Variants in SCARB1 observed in about 807,000 individuals in gnomAD.
The protein encoded by SCARB1 is scavenger receptor class B member 1.
In SCARB1, 30 loss-of-function variants were observed where a neutral mutation model predicts 57.2. The ratio of observed to expected loss-of-function variants is 0.52; its 90% confidence interval spans 0.39 to 0.71. The LOEUF (loss-of-function observed/expected upper bound fraction) is 0.71. SCARB1 is among the 30% of genes least tolerant of loss of function. SCARB1 has a pLI of 0.00. For missense variants in SCARB1, 543 were observed against 671.2 expected, an observed-to-expected ratio of 0.81 and a Z score of 2.11; for synonymous variants, 249 against 268.3, an observed-to-expected ratio of 0.93 and a Z score of 0.70.
chr12:124,782,596 G>T, intron 12 of SCARB1, 87 bp downstream of exon 12: 1 of 1,334,482 alleles, frequency 7.5e-7, no homozygotes, highest in South Asian at 1.3e-5. Flanking sequence ...CTGAAGGAAT[G>T]AGCAGGACCC....
chr12:124,789,441 T>C lies in SCARB1; in HGVS notation c.1203-1984A>G, dbSNP rs542073624. On this transcript the variant is annotated intron_variant, in intron 9 of 12. Transcript: ENST00000261693. The surrounding 1 kb of genome is among the most constrained non-coding windows in gnomAD (Gnocchi z 4.4). ...GACCAATGCGACACCTGGGAAACTG[T>C]GACCTGCCACGACGAAGGGGACCGT... 6.6e-6 allele frequency among the ~76,000 whole-genome samples: 1 copy of C among 152,206 alleles called. No homozygotes were observed. The highest frequency in any genetic ancestry group is 2.1e-4 in the South Asian group (1 of 4,822).
chr12:124,805,889 TC>T (rs1950306253), intron 7 of SCARB1, among the ~76,000 whole-genome samples: 1 of 151,930 alleles, frequency 6.6e-6, no homozygotes, highest in Admixed American at 6.6e-5. Flanking sequence ...AAAAGATCCC[TC>T]CGCTGCTGTC....
intron 6 of SCARB1, among the ~76,000 whole-genome samples, chr12:124,809,896 T>C (rs1950460524): frequency 6.6e-6 from 1 of 152,128 alleles, no homozygotes; most frequent in African/African-American, 2.4e-5. Context: ...CTCCATTTTA[T>C]GGCCCCCTGT....
intron 1 of SCARB1, chr12:124,839,307 G>C: frequency 2.2e-6 from 1 of 453,616 alleles, no homozygotes; most frequent in South Asian, 1.6e-5. Context: ...GGAATCGTAC[G>C]GTATTTGTCC....
At position 124,808,103 on chromosome 12, in the gene SCARB1, G is replaced by A. The variant is rs182346713; in HGVS notation, c.843-176C>T. Among the ~76,000 whole-genome samples the A allele has an allele frequency of 1.6e-3, 246 of 152,182 alleles. 1 individual carries two copies. Among genetic ancestry groups the A allele is most frequent in the Middle Eastern group, 0.01 (3 of 294 alleles). On this transcript the variant is annotated intron_variant, in intron 6 of 12. Coordinates refer to ENST00000261693, the MANE Select transcript of SCARB1 (RefSeq NM_005505.5). ...CAGCGACCTCCTAACAGGCCTCTCC[G>A]CTCCGACTCTGCCTCCCCACCCACA...
chr12:124,787,537 T>A, intron 9 of SCARB1, 80 bp from the exon 10 acceptor site: 1 of 1,261,376 alleles, frequency 7.9e-7, no homozygotes, highest in Non-Finnish European at 1.1e-6. Flanking sequence ...ATACAACATC[T>A]AAACAGGTTT....
chr12:124,852,528 A>G (rs1952456727), intron 1 of SCARB1, among the ~76,000 whole-genome samples: 1 of 152,244 alleles, frequency 6.6e-6, no homozygotes, highest in Admixed American at 6.5e-5. Flanking sequence ...GTCTGGTTCC[A>G]AAGTCCACGC....
intron 1 of SCARB1, among the ~76,000 whole-genome samples, chr12:124,827,791 ACTC>A (rs1255564610): frequency 1.3e-5 from 2 of 150,060 alleles, no homozygotes; most frequent in East Asian, 3.9e-4. Context: ...TGCCCCTAAA[ACTC>A]CTGACCTCCC....
intron 10 of SCARB1, among the ~76,000 whole-genome samples, chr12:124,786,774 T>G (rs1365604081): frequency 6.6e-6 from 1 of 152,212 alleles, no homozygotes; most frequent in South Asian, 2.1e-4. Context: ...ACTCTCCATC[T>G]CGTTCCCTGC....
At chr12:124,839,230 C>G (rs544906810) in intron 1 of SCARB1, 1 of 456,168 alleles carries the variant, frequency 2.2e-6, no homozygotes. Context: ...TCTCCCCCAG[C>G]CCCTGGCACC....
In SCARB1 at chr12:124,810,291, T is replaced by C. The variant is rs201068540; in HGVS notation, c.727-2A>G. The C allele has an allele frequency of 3.7e-5, 60 of 1,610,016 alleles. No homozygotes were observed. The highest frequency in any genetic ancestry group is 4.9e-5 in the Non-Finnish European group (58 of 1,176,400). On this transcript the variant is annotated splice_acceptor_variant, in intron 5 of 12. Transcript: ENST00000261693. LOFTEE classifies it high-confidence loss of function. This position sits in a 1 kb window ranked among gnomAD's most constrained non-coding sequence, Gnocchi z 4.0. ...CTGATCGGAATGCCAGAAGTCAACC[T>C]GGGGGGAAGCATCCAGACTAGACCC...
At chr12:124,835,595 T>A (rs1312695193) in intron 1 of SCARB1, among the ~76,000 whole-genome samples, 1 of 152,120 alleles carries the variant, frequency 6.6e-6, no homozygotes, top group Non-Finnish European at 1.5e-5. Flanking sequence ...AAATTTTTTT[T>A]AATTCACTCA....
rs1163493396 is a variant in SCARB1 at position 124,817,375 on chromosome 12, A to C, written c.284+175T>G. On this transcript the variant is annotated intron_variant, in intron 2 of 12. Coordinates refer to ENST00000261693, the MANE Select transcript of SCARB1 (RefSeq NM_005505.5). This position sits in a 1 kb window ranked among gnomAD's most constrained non-coding sequence, Gnocchi z 4.8. Reference sequence around the variant, plus strand: ...CTCTAAAAAAAAAAAAAAAAAAAAAAAAAACCCTAAAACAAAAACTTCTCT... The same window carrying C: ...CTCTAAAAAAAAAAAAAAAAAAAAACAAAACCCTAAAACAAAAACTTCTCT... Among the ~76,000 whole-genome samples the C allele has an allele frequency of 1.3e-5, 2 of 150,940 alleles. No individual in the cohort carries two copies. The highest frequency in any genetic ancestry group is 6.6e-5 in the Admixed American group (1 of 15,166).
At chr12:124,860,833 G>A (rs959162446) in intron 1 of SCARB1, among the ~76,000 whole-genome samples, 27 of 152,144 alleles carry the variant, frequency 1.8e-4, no homozygotes, top group African/African-American at 5.8e-4. Context: ...GAAAACGCGG[G>A]GTAGACTTAT....
At chr12:124,858,601 C>T (rs569791679) in intron 1 of SCARB1, among the ~76,000 whole-genome samples, 7 of 151,880 alleles carry the variant, frequency 4.6e-5, no homozygotes, top group Non-Finnish European at 7.4e-5. Flanking sequence ...GGATTTTGGC[C>T]GGGCGCGGTG....
At chr12:124,847,637 C>T (rs999252133) in intron 1 of SCARB1, among the ~76,000 whole-genome samples, 4 of 152,122 alleles carry the variant, frequency 2.6e-5, no homozygotes, top group African/African-American at 4.8e-5. Context: ...AGAGGCTGGC[C>T]GAGGGCCGCT....
In SCARB1 at chr12:124,810,485, G is replaced by A. The variant is rs528535379; in HGVS notation, c.727-196C>T. ...CACAGCTTCCCCCTCCCAGACCCCT[G>A]AATGTGTAACTTCGCTAGGGACTCA... On this transcript the variant is annotated intron_variant, in intron 5 of 12. Coordinates refer to ENST00000261693, the MANE Select transcript of SCARB1 (RefSeq NM_005505.5). This position sits in a 1 kb window ranked among gnomAD's most constrained non-coding sequence, Gnocchi z 4.0. Among the ~76,000 whole-genome samples the A allele has an allele frequency of 2.6e-5, 4 of 152,286 alleles. No homozygotes were observed. The South Asian group carries it at 8.3e-4, about 32-fold the overall frequency.
chr12:124,821,259 C>CACAA, intron 1 of SCARB1: 1 of 357,096 alleles, frequency 2.8e-6, no homozygotes, highest in Non-Finnish European at 3.9e-6. Flanking sequence ...CACACACACA[C>CACAA]GCACACACAC....
chr12:124,787,487 A>G (rs1949566678), intron 9 of SCARB1, 30 bp from the exon 10 acceptor site: 1 of 1,604,638 alleles, frequency 6.2e-7, no homozygotes, highest in African/African-American at 1.3e-5. Flanking sequence ...AGCTGTGTGA[A>G]ACAAAGTCTT....
Sources: gnomAD v4.1 joint callset for allele counts (sites outside exome capture counted in the v4.1 genomes callset) on GRCh38, gnomAD v4.1.1 for gene constraint, Gnocchi (gnomAD v3.1) non-coding constraint, MANE v1.5 for transcripts, NCBI Gene and HGNC (gene_info 2026-07-23, HGNC 2026-07-21) for gene names.